Variants in MAGI1 observed in about 807,000 individuals in gnomAD.
The protein encoded by MAGI1 is membrane-associated guanylate kinase, WW and PDZ domain-containing protein 1.
In MAGI1, 58 loss-of-function variants were observed where a neutral mutation model predicts 139.9. The ratio of observed to expected loss-of-function variants is 0.41; its 90% CI spans 0.34 to 0.52. MAGI1 has a LOEUF of 0.52. Ranked by LOEUF, MAGI1 falls within the 20% of genes least tolerant of loss-of-function variation. The pLI is 0.12. For missense variants in MAGI1, 1,874 were observed against 1,901.6 expected, an observed-to-expected ratio of 0.99 and a Z score of 0.27; for synonymous variants, 812 against 737.9, an observed-to-expected ratio of 1.10 and a Z score of -1.63.
At chr3:65,710,006 A>G (rs568913720) in intron 1 of MAGI1, among the ~76,000 whole-genome samples, 2 of 152,346 alleles carry the variant, frequency 1.3e-5, no homozygotes, top group East Asian at 3.9e-4. Context: ...TGGTGAGCAA[A>G]TAGTGAAATG....
chr3:65,493,756 T>C, intron 2 of MAGI1, 125 bp from the exon 3 acceptor site: 2 of 1,095,064 alleles, frequency 1.8e-6, no homozygotes. Flanking sequence ...CTGCCTCATC[T>C]GTCCAGACAG....
At chr3:65,543,124 C>T (rs578165526) in intron 2 of MAGI1, among the ~76,000 whole-genome samples, 1 of 151,932 alleles carries the variant, frequency 6.6e-6, no homozygotes, top group East Asian at 1.9e-4. Context: ...CAAAAGAAGA[C>T]ATTTATGTGG....
At chr3:65,481,021 C>T (rs1015885562) in intron 3 of MAGI1, among the ~76,000 whole-genome samples, 1 of 152,212 alleles carries the variant, frequency 6.6e-6, no homozygotes, top group Admixed American at 6.5e-5. Flanking sequence ...GAAAACTCAA[C>T]ATACACATTT....
chr3:65,362,452 C>T (rs1386397681), intron 21 of MAGI1, among the ~76,000 whole-genome samples: 6 of 152,040 alleles, frequency 3.9e-5, no homozygotes, highest in Non-Finnish European at 8.8e-5. Flanking sequence ...ATGTATCTCC[C>T]CTTGAATATA....
intron 13 of MAGI1, among the ~76,000 whole-genome samples, chr3:65,398,547 C>T (rs968569097): frequency 2.0e-5 from 3 of 152,070 alleles, no homozygotes; most frequent in Non-Finnish European, 4.4e-5. Flanking sequence ...GAAATGAATT[C>T]ATACGAAAAC....
chr3:65,382,486 C>T (rs1326530644), intron 15 of MAGI1, among the ~76,000 whole-genome samples: 1 of 152,096 alleles, frequency 6.6e-6, no homozygotes, highest in Non-Finnish European at 1.5e-5. Context: ...GTAATAAATA[C>T]TCTTAAATGA....
chr3:65,524,913 T>G (rs1297744293), intron 2 of MAGI1, among the ~76,000 whole-genome samples: 1 of 152,130 alleles, frequency 6.6e-6, no homozygotes, highest in African/African-American at 2.4e-5. Flanking sequence ...CCATTAATGA[T>G]CTGCAAATGG....
chr3:65,895,256 G>A (rs1017938499), intron 1 of MAGI1, among the ~76,000 whole-genome samples: 4 of 152,168 alleles, frequency 2.6e-5, no homozygotes, highest in East Asian at 1.9e-4. Context: ...TTCCCTAGAC[G>A]GGTTCACAGC....
intron 2 of MAGI1, among the ~76,000 whole-genome samples, chr3:65,583,175 A>G (rs997224198): frequency 2.0e-5 from 3 of 152,190 alleles, no homozygotes; most frequent in African/African-American, 7.2e-5. Context: ...CAACAGTCAC[A>G]TGTGGCTAGT....
chr3:65,530,728 C>CGT (rs1491467170), intron 2 of MAGI1, among the ~76,000 whole-genome samples: 4 of 107,356 alleles, frequency 3.7e-5, no homozygotes, highest in Non-Finnish European at 5.3e-5. Flanking sequence ...TATATACACA[C>CGT]GTATATATAT....
At chr3:65,557,370 GAT>G (rs939521234) in intron 2 of MAGI1, among the ~76,000 whole-genome samples, 2 of 152,170 alleles carry the variant, frequency 1.3e-5, no homozygotes, top group Non-Finnish European at 2.9e-5. Flanking sequence ...CCATGTAAGT[GAT>G]AATCAAAGTC....
At chr3:65,752,717 C>G (rs116509457) in intron 1 of MAGI1, among the ~76,000 whole-genome samples, 4,108 of 152,218 alleles carry the variant, frequency 0.027, 92 homozygotes, top group Middle Eastern at 0.058. Flanking sequence ...CAACCTTAAC[C>G]CCTGTCCTGT....
chr3:65,424,309 C>A (rs1946849990), intron 12 of MAGI1, among the ~76,000 whole-genome samples: 2 of 151,902 alleles, frequency 1.3e-5, no homozygotes, highest in Non-Finnish European at 1.5e-5. Flanking sequence ...GAGGATTAAT[C>A]TTCCATTGTG....
chr3:65,561,155 A>C (rs1242974645), intron 2 of MAGI1, among the ~76,000 whole-genome samples: 3 of 152,202 alleles, frequency 2.0e-5, no homozygotes, highest in Non-Finnish European at 4.4e-5. Flanking sequence ...AGATCTTCAA[A>C]CACTGCTAGG....
intron 2 of MAGI1, among the ~76,000 whole-genome samples, chr3:65,537,611 T>C (rs2079020741): frequency 6.6e-6 from 1 of 152,150 alleles, no homozygotes; most frequent in Admixed American, 6.5e-5. Flanking sequence ...CTTCAGAACT[T>C]GGGTATACCT....
chr3:65,360,038 G>A (rs952751131), intron 22 of MAGI1: 1 of 985,230 alleles, frequency 1.0e-6, no homozygotes, highest in Admixed American at 6.2e-5. Flanking sequence ...TAGGGGCCTT[G>A]TCTAATACCC....
intron 1 of MAGI1, among the ~76,000 whole-genome samples, chr3:65,701,500 G>T (rs1428347785): frequency 1.3e-5 from 2 of 152,120 alleles, no homozygotes; most frequent in Admixed American, 1.3e-4. Flanking sequence ...TGATCCGCCT[G>T]CCTCGACCTC....
chr3:66,002,067 A>G (rs2066770468), intron 1 of MAGI1, among the ~76,000 whole-genome samples: 1 of 152,166 alleles, frequency 6.6e-6, no homozygotes, highest in South Asian at 2.1e-4. Context: ...AATTTCATAG[A>G]TTGAGTCTCA....
At chr3:65,865,984 G>A (rs1464691243) in intron 1 of MAGI1, among the ~76,000 whole-genome samples, 1 of 152,146 alleles carries the variant, frequency 6.6e-6, no homozygotes, top group African/African-American at 2.4e-5. Context: ...AGCTGACATG[G>A]AATGATGTTC....
Sources: gnomAD v4.1 joint callset for allele counts (sites outside exome capture counted in the v4.1 genomes callset) on GRCh38, gnomAD v4.1.1 for gene constraint, MANE v1.5 for transcripts, NCBI Gene and HGNC (gene_info 2026-07-23, HGNC 2026-07-21) for gene names.